Variants in HS3ST5 observed in about 807,000 individuals in gnomAD.
HS3ST5 encodes heparan sulfate-glucosamine 3-sulfotransferase 5.
Under a neutral mutation model 25.4 loss-of-function variants are expected in HS3ST5, and 10 were observed. The ratio of observed to expected loss-of-function variants is 0.39; its 90% confidence interval spans 0.24 to 0.67. The LOEUF is 0.67. Ranked by LOEUF, HS3ST5 falls within the 30% of genes least tolerant of loss-of-function variation. The probability of loss-of-function intolerance (pLI) is 0.44; values close to 1 mark genes in which losing one functional copy is unlikely to be tolerated. For missense variants in HS3ST5, 324 were observed against 420.7 expected, an observed-to-expected ratio of 0.77 and a Z score of 2.01; for synonymous variants, 170 against 162.4, an observed-to-expected ratio of 1.05 and a Z score of -0.36.
rs748955622 is a variant in HS3ST5 at position 114,055,744 on chromosome 6, G to A, written c.*1513C>T. On this transcript the variant is annotated 3_prime_UTR_variant, in exon 5 of 5. Coordinates refer to ENST00000312719, the MANE Select transcript of HS3ST5 (RefSeq NM_153612.4). ...CCCTAGGCACTCTCACTGTGATGTT[G>A]AACAAAACTCTCTCAAACATCTCCC... 1.5e-4 allele frequency: 23 copies of A among 152,018 alleles called. No homozygotes were observed. Among genetic ancestry groups the A allele is most frequent in the Non-Finnish European group, 2.8e-4 (19 of 67,998 alleles). 9.4% of individuals were successfully genotyped at this position (152,018 alleles called of 1,614,324 possible).
chr6:114,106,645 T>C (rs1161315433), intron 3 of HS3ST5, among the ~76,000 whole-genome samples: 1 of 152,108 alleles, frequency 6.6e-6, no homozygotes, highest in Non-Finnish European at 1.5e-5. Context: ...GTTAAAACTT[T>C]CCTTTTGAAA....
chr6:114,329,929 G>A (rs1462687788), intron 1 of HS3ST5, among the ~76,000 whole-genome samples: 1 of 152,126 alleles, frequency 6.6e-6, no homozygotes, highest in African/African-American at 2.4e-5. Context: ...TTTTCAGATG[G>A]AAATAATGAC....
At chr6:114,310,825 TAA>T (rs973364795) in intron 1 of HS3ST5, among the ~76,000 whole-genome samples, 16 of 152,286 alleles carry the variant, frequency 1.1e-4, no homozygotes, top group African/African-American at 3.8e-4. Context: ...TAGAAATGTG[TAA>T]CAGAATATTC....
At position 114,103,816 on chromosome 6, in the gene HS3ST5, G is replaced by A. The variant is rs528262573; in HGVS notation, c.-32-40939C>T. On this transcript the variant is annotated intron_variant, in intron 3 of 4. Coordinates refer to ENST00000312719, the MANE Select transcript of HS3ST5 (RefSeq NM_153612.4). ...CGCCATCCTCCTGCTTCGGCCTCCC[G>A]AGTAGCTGGGACTACAAGCACCTGC... is the stretch of plus-strand genomic sequence containing the variant. Among the ~76,000 whole-genome samples the A allele has an allele frequency of 2.1e-3, 295 of 143,632 alleles. 2 individuals are homozygous for A. The highest frequency in any genetic ancestry group is 7.4e-3 in the African/African-American group (285 of 38,728). 94.2% of individuals were successfully genotyped at this position (143,632 alleles called of 152,430 possible).
At chr6:114,070,410 G>A (rs962839110) in intron 3 of HS3ST5, among the ~76,000 whole-genome samples, 2 of 152,040 alleles carry the variant, frequency 1.3e-5, no homozygotes, top group African/African-American at 2.4e-5. Context: ...ATAATGAAAG[G>A]TCATGTTTCC....
At chr6:114,099,549 A>G (rs1775621493) in intron 3 of HS3ST5, among the ~76,000 whole-genome samples, 1 of 152,150 alleles carries the variant, frequency 6.6e-6, no homozygotes, top group African/African-American at 2.4e-5. Context: ...AAGTTAATCA[A>G]TTTGCAAAGT....
chr6:114,331,798 G>A (rs941034200), intron 1 of HS3ST5, among the ~76,000 whole-genome samples: 3 of 152,010 alleles, frequency 2.0e-5, no homozygotes, highest in Admixed American at 1.3e-4. Context: ...ATTACCATAC[G>A]TTGTTCGCTA....
intron 1 of HS3ST5, among the ~76,000 whole-genome samples, chr6:114,249,238 A>G (rs1772529461): frequency 6.6e-6 from 1 of 152,210 alleles, no homozygotes; most frequent in South Asian, 2.1e-4. Flanking sequence ...GATTCAGCAC[A>G]TATGCACTAA....
At chr6:114,293,543 A>G (rs926006785) in intron 1 of HS3ST5, among the ~76,000 whole-genome samples, 3 of 152,192 alleles carry the variant, frequency 2.0e-5, no homozygotes, top group African/African-American at 7.2e-5. Context: ...TAGTAAAATG[A>G]GTAGGAAGTG....
chr6:114,219,095 A>G (rs1781908759), intron 2 of HS3ST5, among the ~76,000 whole-genome samples: 1 of 152,234 alleles, frequency 6.6e-6, no homozygotes, highest in African/African-American at 2.4e-5. Context: ...CATAGAGAAA[A>G]ATGTGTAAAT....
At chr6:114,059,417 T>C (rs759996724) in intron 4 of HS3ST5, 3 of 152,226 alleles carry the variant, frequency 2.0e-5, no homozygotes, top group Non-Finnish European at 2.9e-5. Flanking sequence ...CCCAAGAGAC[T>C]GTATTGCATC....
At position 114,286,559 on chromosome 6, in the gene HS3ST5, G is replaced by A. The variant is rs1415523283; in HGVS notation, c.-339+55636C>T. Among the ~76,000 whole-genome samples the A allele has an allele frequency of 2.6e-5, 4 of 151,958 alleles. No individual in the cohort carries two copies. The East Asian group carries it at 5.8e-4, about 22-fold the overall frequency. Reference sequence around the variant, plus strand: ...ATTAATTTGCTTAACAAATTAAAAAGAGAAAGTAAGTATGTTTATGTTGTA... The same window carrying A: ...ATTAATTTGCTTAACAAATTAAAAAAAGAAAGTAAGTATGTTTATGTTGTA... On this transcript the variant is annotated intron_variant, in intron 1 of 4. Transcript: ENST00000312719.
At chr6:114,069,573 C>A (rs2114727389) in intron 3 of HS3ST5, among the ~76,000 whole-genome samples, 2 of 143,604 alleles carry the variant, frequency 1.4e-5, no homozygotes, top group African/African-American at 2.6e-5. Flanking sequence ...GGCTGGATTG[C>A]AGTGGCACGA....
chr6:114,286,685 T>C lies in HS3ST5; in HGVS notation c.-339+55510A>G, dbSNP rs551646328. Among the ~76,000 whole-genome samples, 44 of 152,164 alleles carry C rather than the reference T, an allele frequency of 2.9e-4. 1 individual carries two copies. In the South Asian group the frequency reaches 8.3e-3, roughly 29 times the overall value. On this transcript the variant is annotated intron_variant, in intron 1 of 4. Coordinates refer to ENST00000312719, the MANE Select transcript of HS3ST5 (RefSeq NM_153612.4). ...CTAGCATTGAATTACCAGTGACTTA[T>C]TAAATTTTTTTCCCTCAAGCATACA...
chr6:114,240,603 G>A (rs1367931491), intron 1 of HS3ST5, among the ~76,000 whole-genome samples: 4 of 152,030 alleles, frequency 2.6e-5, no homozygotes, highest in South Asian at 2.1e-4. Context: ...TGCAGTAGAT[G>A]CACAAATATA....
intron 1 of HS3ST5, among the ~76,000 whole-genome samples, chr6:114,333,578 A>G (rs889454840): frequency 3.3e-5 from 5 of 152,136 alleles, no homozygotes; most frequent in African/African-American, 1.2e-4. Flanking sequence ...GATAAGATAA[A>G]CAACCGATTA....
chr6:114,302,374 A>G (rs911786731), intron 1 of HS3ST5, among the ~76,000 whole-genome samples: 4 of 152,196 alleles, frequency 2.6e-5, no homozygotes, highest in Admixed American at 2.6e-4. Context: ...AGAAAGTCAT[A>G]GTTAAGTTTA....
At chr6:114,112,996 C>A (rs1176489745) in intron 3 of HS3ST5, among the ~76,000 whole-genome samples, 2 of 152,132 alleles carry the variant, frequency 1.3e-5, no homozygotes, top group Admixed American at 1.3e-4. Context: ...ATCTCAGGGG[C>A]CTCCCTAATG....
Position 114,097,158 on chromosome 6 carries a change from G to C in HS3ST5, c.-32-34281C>G, listed in dbSNP as rs185211196. Among the ~76,000 whole-genome samples the C allele has an allele frequency of 5.0e-3, 756 of 151,950 alleles. 9 individuals carry two copies. Among genetic ancestry groups the C allele is most frequent in the Admixed American group, 7.8e-3 (119 of 15,262 alleles). On this transcript the variant is annotated intron_variant, in intron 3 of 4. Transcript: ENST00000312719. ...ATCAATTAATAGATAATTATTTATA[G>C]ATATGAAATATGTATCTCTATACAT...
Sources: allele counts gnomAD v4.1 joint callset (sites outside exome capture counted in the v4.1 genomes callset), GRCh38; gene constraint gnomAD v4.1.1; transcripts MANE v1.5; gene names NCBI Gene and HGNC (gene_info 2026-07-23, HGNC 2026-07-21).